The following ARL5A variants were observed in gnomAD, a reference collection of about 807,000 sequenced individuals.
ARL5A encodes ADP-ribosylation factor-like protein 5A.
A neutral mutation model predicts 25.9 loss-of-function variants in ARL5A; 18 were observed. The ratio of observed to expected loss-of-function variants is 0.69; its 90% CI spans 0.48 to 1.03. ARL5A has a LOEUF of 1.03. Among genes scored for constraint, ARL5A ranks in the 50% least tolerant of loss-of-function variants. ARL5A has a pLI of 0.00. For synonymous variants in ARL5A, 61 were observed against 67.5 expected, an observed-to-expected ratio of 0.90 and a Z score of 0.47; for missense variants, 170 against 211.9, an observed-to-expected ratio of 0.80 and a Z score of 1.23.
intron 2 of ARL5A, 146 bp from the exon 3 acceptor site, chr2:151,814,462 G>A: frequency 1.6e-6 from 1 of 615,620 alleles, no homozygotes; most frequent in Non-Finnish European, 2.7e-6. Context: ...CATGAGTGAG[G>A]GTTTAAACAG....
At chr2:151,820,009 A>G (rs2099832055) in intron 1 of ARL5A, among the ~76,000 whole-genome samples, 1 of 152,138 alleles carries the variant, frequency 6.6e-6, no homozygotes. Context: ...TCTTTATCAT[A>G]CCTGGCCACT....
chr2:151,817,447 A>T (rs1312875745), intron 1 of ARL5A, among the ~76,000 whole-genome samples: 1 of 152,238 alleles, frequency 6.6e-6, no homozygotes, highest in African/African-American at 2.4e-5. Context: ...GGATTATAAC[A>T]CCTCAGAGTA....
chr2:151,812,354 T>C lies in ARL5A; in HGVS notation c.339+3A>G. 6.3e-7 allele frequency: 1 copy of C among 1,589,566 alleles called. No homozygotes were observed. ...ATCTAATGTAAAAAGACTACTTACTTACCTCATGCGCTAACATTTTATAGA... is the reference window on the plus strand; with the variant it reads ...ATCTAATGTAAAAAGACTACTTACTCACCTCATGCGCTAACATTTTATAGA... On this transcript the variant is annotated splice_donor_region_variant and intron_variant, in intron 4 of 5. Transcript: ENST00000295087.
intron 1 of ARL5A, chr2:151,827,485 C>G (rs1009743715): frequency 3.3e-5 from 5 of 152,160 alleles, no homozygotes; most frequent in African/African-American, 1.2e-4. Flanking sequence ...ATAACCCACA[C>G]GAGTAGAAAA....
chr2:151,823,966 C>T (rs978558276), intron 1 of ARL5A, among the ~76,000 whole-genome samples: 1 of 152,180 alleles, frequency 6.6e-6, no homozygotes, highest in Non-Finnish European at 1.5e-5. Flanking sequence ...TCCTACAATG[C>T]CTCTCCAGTG....
In ARL5A at chr2:151,828,338, C is replaced by T; in HGVS notation, c.-162G>A. 1.7e-6 allele frequency: 1 copy of T among 575,336 alleles called. No homozygotes were observed. The highest frequency in any genetic ancestry group is 2.9e-6 in the Non-Finnish European group (1 of 346,312). 35.6% of individuals were successfully genotyped at this position (575,336 alleles called of 1,614,324 possible). A position where few individuals can be genotyped will look rare whatever the true frequency, so the allele number is the denominator to read the frequency against. On this transcript the variant is annotated 5_prime_UTR_variant, in exon 1 of 6. Transcript: ENST00000295087. ...AGGGAACCGGAGGGAGGCCGAAGCC[C>T]AGGCCGCCCTGCCGCGCGCAAGGCC...
rs151249497 is a variant in ARL5A, at chr2:151,803,314, C to T, written c.502G>A (p.Gly168Arg). The part of the protein sequence containing the change: ...CALTGEGLCQ[G>R]LEWMMSRLKI... ...AGTCGTGACATCATCCATTCAAGTC[C>T]TTGGCACAATCTATAAAGAAAACAA... The change falls in exon 6 of 6, where the codon GGA (glycine) becomes AGA (arginine). Residue 168 changes from glycine to arginine, a missense_variant. Gly to Arg is a moderately radical substitution (Grantham distance 125). Transcript: ENST00000295087. 3.7e-6 allele frequency: 6 copies of T among 1,612,290 alleles called. No individual in the cohort carries two copies. Among genetic ancestry groups the T allele is most frequent in the Non-Finnish European group, 4.2e-6 (5 of 1,178,602 alleles).
chr2:151,816,893 G>A (rs2099831585), intron 1 of ARL5A, among the ~76,000 whole-genome samples: 1 of 152,156 alleles, frequency 6.6e-6, no homozygotes. Context: ...GCTATCAAAT[G>A]GTTTTGCCCT....
intron 1 of ARL5A, 148 bp from the exon 2 acceptor site, chr2:151,815,347 C>A: frequency 1.6e-6 from 1 of 627,526 alleles, no homozygotes; most frequent in Non-Finnish European, 2.7e-6. Context: ...GTCAAAAGAA[C>A]ATCCTAGCAA....
chr2:151,821,928 C>A (rs1392269886), intron 1 of ARL5A, among the ~76,000 whole-genome samples: 3 of 151,810 alleles, frequency 2.0e-5, no homozygotes, highest in Non-Finnish European at 4.4e-5. Context: ...CGGCTCACTG[C>A]AACCTCTGCC....
intron 3 of ARL5A, among the ~76,000 whole-genome samples, chr2:151,812,671 T>TA (rs1185940249): frequency 6.6e-6 from 1 of 152,184 alleles, no homozygotes; most frequent in African/African-American, 2.4e-5. Flanking sequence ...CTAACTAATA[T>TA]ATATAACGCA....
chr2:151,826,402 A>T (rs1204161519), intron 1 of ARL5A, among the ~76,000 whole-genome samples: 3 of 152,206 alleles, frequency 2.0e-5, no homozygotes, highest in Non-Finnish European at 4.4e-5. Flanking sequence ...ATACCAGAGC[A>T]CACACCCTTA....
intron 1 of ARL5A, among the ~76,000 whole-genome samples, chr2:151,819,397 T>C (rs941420744): frequency 6.6e-6 from 1 of 152,208 alleles, no homozygotes; most frequent in Non-Finnish European, 1.5e-5. Context: ...GACTTTAAAG[T>C]GGGAGATGAG....
At chr2:151,826,122 AAAAAAC>A (rs374772537) in intron 1 of ARL5A, among the ~76,000 whole-genome samples, 54 of 152,308 alleles carry the variant, frequency 3.5e-4, no homozygotes, top group Admixed American at 7.8e-4. Context: ...CTCCATCTCA[AAAAAAC>A]AAAAACAAAA....
rs1451717694 is a variant in ARL5A, at chr2:151,799,935, A to T, written c.*3341T>A. 6.6e-6 allele frequency: 1 copy of T among 152,252 alleles called. No homozygotes were observed. Among genetic ancestry groups the T allele is most frequent in the African/African-American group, 2.4e-5 (1 of 41,458 alleles). The allele number at this position is 152,252 out of a possible 1,614,324, so 9.4% of individuals were successfully genotyped here. On this transcript the variant is annotated 3_prime_UTR_variant, in exon 6 of 6. Transcript: ENST00000295087. ...GGATACCTGAGCTATGGGGAAGCTG[A>T]CCTTGAAAGCAATGAGGTCCAGATT...
intron 3 of ARL5A, 54 bp downstream of exon 3, chr2:151,814,115 G>A: frequency 1.4e-6 from 2 of 1,451,698 alleles, no homozygotes; most frequent in Non-Finnish European, 9.2e-7. Context: ...CTCAAATCTA[G>A]ATGTTTTCCA....
rs1188607580 is a variant in ARL5A at position 151,801,579 on chromosome 2, A to C, written c.*1697T>G. Reference sequence around the variant, plus strand: ...ACCATGTGGACAAATATTAAATGTTATGCTTGCATTTTGAACATTATAAAT... The same window carrying C: ...ACCATGTGGACAAATATTAAATGTTCTGCTTGCATTTTGAACATTATAAAT... On this transcript the variant is annotated 3_prime_UTR_variant, in exon 6 of 6. Coordinates refer to ENST00000295087, the MANE Select transcript of ARL5A (RefSeq NM_012097.4). 1.3e-5 allele frequency: 2 copies of C among 152,152 alleles called. No individual in the cohort carries two copies. The highest frequency in any genetic ancestry group is 4.8e-5 in the African/African-American group (2 of 41,466). The allele number at this position is 152,152 out of a possible 1,614,324, so 9.4% of individuals were successfully genotyped here.
intron 1 of ARL5A, among the ~76,000 whole-genome samples, chr2:151,816,284 T>C (rs553309606): frequency 6.6e-6 from 1 of 152,104 alleles, no homozygotes; most frequent in Non-Finnish European, 1.5e-5. Context: ...TTCCAGCCAT[T>C]CTAGCTGAGA....
In ARL5A at chr2:151,814,245, G is replaced by T. The variant is rs1461628035; in HGVS notation, c.179C>A (p.Thr60Lys). ...ACCAATATCCCACATTAGGAAACGT[G>T]TATTATTAATCACTATCTCTTCTAC... Reference protein sequence around the residue: ...SNVEEIVINNTRFLMWDIGGQ... With the variant: ...SNVEEIVINNKRFLMWDIGGQ... Residue 60 changes from threonine to lysine, a missense_variant, in exon 3 of 6, where the codon ACA becomes AAA. Thr to Lys is a moderately conservative substitution (Grantham distance 78). Coordinates refer to ENST00000295087, the MANE Select transcript of ARL5A (RefSeq NM_012097.4). The T allele has an allele frequency of 6.2e-7, 1 of 1,606,412 alleles. No individual in the cohort carries two copies. Among genetic ancestry groups the T allele is most frequent in the Non-Finnish European group, 8.5e-7 (1 of 1,176,794 alleles).
Sources: gnomAD v4.1 joint callset for allele counts (sites outside exome capture counted in the v4.1 genomes callset) on GRCh38, gnomAD v4.1.1 for gene constraint, MANE v1.5 for transcripts, NCBI Gene and HGNC (gene_info 2026-07-23, HGNC 2026-07-21) for gene names.